The following DLGAP2 variants were observed in gnomAD, a reference collection of about 807,000 sequenced individuals.
The protein encoded by DLGAP2 is disks large-associated protein 2.
DLGAP2 carries 26 observed loss-of-function variants against 100.3 expected under a neutral mutation model. That is an observed-to-expected ratio of 0.26 (90% confidence interval 0.19 to 0.36). The LOEUF (loss-of-function observed/expected upper bound fraction) is 0.36, where lower values mean the gene tolerates loss of function less well. DLGAP2 is among the 10% of genes least tolerant of loss of function. DLGAP2 has a pLI of 1.00. For synonymous variants in DLGAP2, 886 were observed against 630.1 expected (o/e 1.41, Z -6.08); for missense variants, 1,858 against 1,453.2 (o/e 1.28, Z -4.53).
rs189903109 is a variant in DLGAP2 at position 1,443,771 on chromosome 8, T to C, written c.107-57595T>C. ...GGGGAAACTGCCCTCGTGATTCAATTATCTCCACCTGGCCCCACCCTTGAC... is the reference window on the plus strand; with the variant it reads ...GGGGAAACTGCCCTCGTGATTCAATCATCTCCACCTGGCCCCACCCTTGAC... On this transcript the variant is annotated intron_variant, in intron 3 of 14. Transcript: ENST00000637795. 1.6e-4 allele frequency among the ~76,000 whole-genome samples: 24 copies of C among 152,236 alleles called. 2 individuals carry two copies. Among genetic ancestry groups the C allele is most frequent in the East Asian group, 5.8e-4 (3 of 5,168 alleles).
intron 2 of DLGAP2, among the ~76,000 whole-genome samples, chr8:1,199,636 A>G (rs748973850): frequency 2.0e-5 from 3 of 152,170 alleles, no homozygotes; most frequent in Non-Finnish European, 4.4e-5. Flanking sequence ...TGGGCGCTAG[A>G]AAGTGAATGC....
intron 2 of DLGAP2, among the ~76,000 whole-genome samples, chr8:1,086,731 C>T (rs553617225): frequency 2.8e-4 from 43 of 152,108 alleles, no homozygotes; most frequent in African/African-American, 1.0e-3. Context: ...ATATGTGCGC[C>T]CAACAATGGA....
chr8:1,599,282 A>G (rs950403381), intron 6 of DLGAP2, among the ~76,000 whole-genome samples: 3 of 152,190 alleles, frequency 2.0e-5, no homozygotes, highest in Non-Finnish European at 4.4e-5. Context: ...TTTACTCCCA[A>G]TTATGTGGTC....
intron 1 of DLGAP2, among the ~76,000 whole-genome samples, chr8:881,591 C>T (rs1387651448): frequency 2.1e-5 from 3 of 145,634 alleles, no homozygotes; most frequent in Non-Finnish European, 4.5e-5. Context: ...CCTCCACCTC[C>T]TGGGTTCAAG....
At chr8:1,174,197 G>T (rs990766078) in intron 2 of DLGAP2, among the ~76,000 whole-genome samples, 10 of 152,034 alleles carry the variant, frequency 6.6e-5, no homozygotes, top group African/African-American at 2.4e-4. Flanking sequence ...GGATTCTAAG[G>T]AAGAAGGAAA....
At chr8:779,201 G>A (rs907205923) in intron 1 of DLGAP2, among the ~76,000 whole-genome samples, 12 of 152,298 alleles carry the variant, frequency 7.9e-5, no homozygotes, top group South Asian at 4.1e-4. Flanking sequence ...GCTTCGGCTC[G>A]CGCATGGTGC....
At position 792,506 on chromosome 8, in the gene DLGAP2, T is replaced by G. The variant is rs185354867; in HGVS notation, c.18+54681T>G. Among the ~76,000 whole-genome samples, 44 of 152,348 alleles carry G rather than the reference T, an allele frequency of 2.9e-4. No homozygotes were observed. The East Asian group carries it at 8.1e-3, about 28-fold the overall frequency. ...TAATGTTTCATCATTGCATGAATGT[T>G]TGTCAGAGTTAAGGTAAATTACCTT... On this transcript the variant is annotated intron_variant, in intron 1 of 14. Coordinates refer to ENST00000637795, the MANE Select transcript of DLGAP2 (RefSeq NM_001346810.2).
intron 8 of DLGAP2, among the ~76,000 whole-genome samples, chr8:1,655,041 C>T (rs956642004): frequency 1.3e-5 from 2 of 152,196 alleles, no homozygotes; most frequent in African/African-American, 4.8e-5. Flanking sequence ...ATTTTACTGT[C>T]TACATGTTAA....
intron 3 of DLGAP2, among the ~76,000 whole-genome samples, chr8:1,338,274 C>G (rs1408756298): frequency 1.3e-5 from 2 of 152,222 alleles, no homozygotes; most frequent in African/African-American, 4.8e-5. Flanking sequence ...ATGGAAACAG[C>G]AGATGTTCCC....
At chr8:1,531,431 C>T (rs1003485694) in intron 4 of DLGAP2, among the ~76,000 whole-genome samples, 1 of 152,000 alleles carries the variant, frequency 6.6e-6, no homozygotes, top group Non-Finnish European at 1.5e-5. Context: ...AGTGGTTTGA[C>T]TGTTAGTGAG....
chr8:1,323,444 G>A (rs1213559681), intron 3 of DLGAP2, among the ~76,000 whole-genome samples: 2 of 152,200 alleles, frequency 1.3e-5, no homozygotes, highest in Non-Finnish European at 2.9e-5. Context: ...GTAAGTTTAC[G>A]TGACAACCAT....
intron 3 of DLGAP2, among the ~76,000 whole-genome samples, chr8:1,493,743 G>C (rs1584952838): frequency 6.6e-6 from 1 of 152,236 alleles, no homozygotes; most frequent in South Asian, 2.1e-4. Flanking sequence ...CCATCTCCCT[G>C]GGCAGCGGCT....
chr8:1,412,317 T>C (rs1289224794), intron 3 of DLGAP2, among the ~76,000 whole-genome samples: 1 of 152,216 alleles, frequency 6.6e-6, no homozygotes, highest in Non-Finnish European at 1.5e-5. Flanking sequence ...TGAGGCTCCA[T>C]TCTCTCCCTC....
chr8:916,802 G>A (rs924025459), intron 2 of DLGAP2, among the ~76,000 whole-genome samples: 2 of 152,244 alleles, frequency 1.3e-5, no homozygotes, highest in East Asian at 1.9e-4. Flanking sequence ...TGAAAATGTT[G>A]ATCAAGCAGC....
chr8:1,240,706 G>A (rs62487813), intron 2 of DLGAP2, among the ~76,000 whole-genome samples: 15,427 of 147,692 alleles, frequency 0.1, 936 homozygotes, highest in South Asian at 0.16. Flanking sequence ...CTCTCACATG[G>A]TGACGTGTCT....
intron 3 of DLGAP2, among the ~76,000 whole-genome samples, chr8:1,432,367 G>T (rs933733708): frequency 1.3e-5 from 2 of 152,138 alleles, no homozygotes; most frequent in East Asian, 3.9e-4. Flanking sequence ...ATGGTAGAGG[G>T]GATGAAACAT....
chr8:752,815 A>C (rs1001500924), intron 1 of DLGAP2, among the ~76,000 whole-genome samples: 21 of 152,208 alleles, frequency 1.4e-4, no homozygotes, highest in Middle Eastern at 3.4e-3. Context: ...GGCTGGGCCC[A>C]GGGCACTGCA....
chr8:1,348,758 G>A (rs1275704239), intron 3 of DLGAP2, among the ~76,000 whole-genome samples: 1 of 152,210 alleles, frequency 6.6e-6, no homozygotes, highest in Non-Finnish European at 1.5e-5. Context: ...CACTCATGAT[G>A]GCTTTGCAAA....
chr8:1,582,804 G>A (rs1378274312), intron 6 of DLGAP2, among the ~76,000 whole-genome samples: 1 of 152,088 alleles, frequency 6.6e-6, no homozygotes, highest in Non-Finnish European at 1.5e-5. Context: ...CACCATGTTG[G>A]CCAGACTGGT....
Sources: allele counts gnomAD v4.1 joint callset (sites outside exome capture counted in the v4.1 genomes callset), GRCh38; gene constraint gnomAD v4.1.1; transcripts MANE v1.5; gene names NCBI Gene and HGNC (gene_info 2026-07-23, HGNC 2026-07-21).